The following ZDHHC14 variants were observed in gnomAD, a reference collection of about 807,000 sequenced individuals.
ZDHHC14 encodes the protein palmitoyltransferase ZDHHC14.
ZDHHC14 carries 16 observed loss-of-function variants against 47.7 expected under a neutral mutation model. The ratio of observed to expected loss-of-function variants is 0.34; its 90% CI spans 0.23 to 0.51. The LOEUF is 0.51. Among genes scored for constraint, ZDHHC14 ranks in the 20% least tolerant of loss-of-function variants. The probability of loss-of-function intolerance (pLI) is 0.97; values close to 1 mark genes in which losing one functional copy is unlikely to be tolerated. For missense variants in ZDHHC14, 515 were observed against 662.5 expected (o/e 0.78, Z 2.44); for synonymous variants, 293 against 278.9 (o/e 1.05, Z -0.50).
chr6:157,609,417 A>T (rs1784671050), intron 3 of ZDHHC14, among the ~76,000 whole-genome samples: 1 of 152,054 alleles, frequency 6.6e-6, no homozygotes, highest in South Asian at 2.1e-4. Flanking sequence ...GGTGATGGCC[A>T]CTCCAGGAAC....
chr6:157,604,498 A>T (rs562183208), intron 3 of ZDHHC14, among the ~76,000 whole-genome samples: 30 of 151,888 alleles, frequency 2.0e-4, no homozygotes, highest in Admixed American at 1.5e-3. Flanking sequence ...ATGAGGGGAG[A>T]CTTGAAGACC....
chr6:157,444,234 A>T (rs1242521966), intron 1 of ZDHHC14, among the ~76,000 whole-genome samples: 1 of 152,234 alleles, frequency 6.6e-6, no homozygotes, highest in Admixed American at 6.5e-5. Flanking sequence ...GTTAGTGAGC[A>T]TATCATACTT....
intron 1 of ZDHHC14, among the ~76,000 whole-genome samples, chr6:157,439,688 T>C (rs1778523939): frequency 6.6e-6 from 1 of 152,164 alleles, no homozygotes; most frequent in South Asian, 2.1e-4. Flanking sequence ...TAAATCATCC[T>C]ATTACAAAGG....
intron 3 of ZDHHC14, among the ~76,000 whole-genome samples, chr6:157,606,921 C>G (rs780110261): frequency 6.6e-6 from 1 of 152,126 alleles, no homozygotes; most frequent in Non-Finnish European, 1.5e-5. Flanking sequence ...TGTTTGTCAC[C>G]ACTAGAAACT....
At chr6:157,567,888 T>C (rs151324435) in intron 2 of ZDHHC14, among the ~76,000 whole-genome samples, 4 of 152,098 alleles carry the variant, frequency 2.6e-5, no homozygotes, top group African/African-American at 7.2e-5. Flanking sequence ...GAGCTAATAT[T>C]TGGACTCAGC....
chr6:157,648,199 T>A (rs983799145), intron 7 of ZDHHC14, among the ~76,000 whole-genome samples: 1 of 152,196 alleles, frequency 6.6e-6, no homozygotes, highest in Non-Finnish European at 1.5e-5. Flanking sequence ...CAAACCATGA[T>A]CAACAAATAG....
At chr6:157,645,942 G>A (rs933733580) in intron 6 of ZDHHC14, 103 bp downstream of exon 6, 26 of 959,376 alleles carry the variant, frequency 2.7e-5, no homozygotes, top group South Asian at 1.6e-4. Flanking sequence ...CATACATCCC[G>A]TTCCAGATGT....
At chr6:157,492,245 C>T (rs1172644478) in intron 1 of ZDHHC14, among the ~76,000 whole-genome samples, 1 of 145,110 alleles carries the variant, frequency 6.9e-6, no homozygotes, top group African/African-American at 2.6e-5. Context: ...ACTCTGGAGT[C>T]ACCGTCCTGC....
At chr6:157,405,608 G>C (rs1014158609) in intron 1 of ZDHHC14, among the ~76,000 whole-genome samples, 1 of 152,074 alleles carries the variant, frequency 6.6e-6, no homozygotes, top group Non-Finnish European at 1.5e-5. Flanking sequence ...ACCTCTCCAA[G>C]GGTTGATATT....
chr6:157,650,383 A>G (rs1162868291), intron 7 of ZDHHC14, among the ~76,000 whole-genome samples: 1 of 152,056 alleles, frequency 6.6e-6, no homozygotes, highest in Non-Finnish European at 1.5e-5. Flanking sequence ...AGCTGGGCCG[A>G]GAACCAAGAG....
intron 2 of ZDHHC14, among the ~76,000 whole-genome samples, chr6:157,561,090 G>A (rs1582943361): frequency 1.3e-5 from 2 of 152,228 alleles, no homozygotes; most frequent in Non-Finnish European, 2.9e-5. Context: ...AGAGCGTGGG[G>A]GTGTTAGCTG....
chr6:157,405,695 C>T (rs1562412729), intron 1 of ZDHHC14, among the ~76,000 whole-genome samples: 1 of 152,064 alleles, frequency 6.6e-6, no homozygotes, highest in Non-Finnish European at 1.5e-5. Flanking sequence ...GCATAAGCAA[C>T]TGTATTTTGA....
chr6:157,538,009 C>T (rs1469314907), intron 1 of ZDHHC14, among the ~76,000 whole-genome samples: 1 of 152,172 alleles, frequency 6.6e-6, no homozygotes, highest in Non-Finnish European at 1.5e-5. Flanking sequence ...TTCTAAGCAG[C>T]ATTTTGAAGG....
At chr6:157,462,474 T>C (rs1481433407) in intron 1 of ZDHHC14, among the ~76,000 whole-genome samples, 1 of 152,238 alleles carries the variant, frequency 6.6e-6, no homozygotes, top group Non-Finnish European at 1.5e-5. Context: ...GTCATGGGGC[T>C]GTCTTCCACC....
intron 1 of ZDHHC14, among the ~76,000 whole-genome samples, chr6:157,417,695 A>C (rs1778010384): frequency 6.6e-6 from 1 of 152,216 alleles, no homozygotes; most frequent in Non-Finnish European, 1.5e-5. Context: ...GTAAAGGCGA[A>C]GAAGGCCAGG....
At chr6:157,534,592 TCA>T (rs1781476842) in intron 1 of ZDHHC14, among the ~76,000 whole-genome samples, 2 of 143,758 alleles carry the variant, frequency 1.4e-5, no homozygotes, top group East Asian at 4.0e-4. Flanking sequence ...TCATTTCATT[TCA>T]TTTCATGTTT....
At chr6:157,526,305 G>T (rs1781148809) in intron 1 of ZDHHC14, among the ~76,000 whole-genome samples, 1 of 152,158 alleles carries the variant, frequency 6.6e-6, no homozygotes, top group Admixed American at 6.5e-5. Context: ...ATGAAATGAA[G>T]ACTCAGAATA....
Position 157,505,975 on chromosome 6 carries a change from C to G in ZDHHC14, c.246-36610C>G, listed in dbSNP as rs1246751672. On this transcript the variant is annotated intron_variant, in intron 1 of 8. Transcript: ENST00000359775. ...GGGCCTGTTTGGCTCAGAAATACAGCAGATGAGCTCTAGTGTAGATAGCAC... is the reference window on the plus strand; with the variant it reads ...GGGCCTGTTTGGCTCAGAAATACAGGAGATGAGCTCTAGTGTAGATAGCAC... 2.0e-5 allele frequency among the ~76,000 whole-genome samples: 3 copies of G among 152,208 alleles called. No individual in the cohort carries two copies. In the East Asian group the frequency reaches 5.8e-4, roughly 29 times the overall value.
At chr6:157,632,575 G>A (rs150477765) in intron 4 of ZDHHC14, 9,391 of 522,446 alleles carry the variant, frequency 0.018, 603 homozygotes, top group African/African-American at 0.15. Flanking sequence ...ATAATTTACG[G>A]GAAAGTGTGC....
Sources: gnomAD v4.1 joint callset for allele counts (sites outside exome capture counted in the v4.1 genomes callset) on GRCh38, gnomAD v4.1.1 for gene constraint, MANE v1.5 for transcripts, NCBI Gene and HGNC (gene_info 2026-07-23, HGNC 2026-07-21) for gene names.